PDZRN4: variants seen among roughly 807,000 people sequenced by gnomAD.
PDZRN4 encodes the protein PDZ domain containing ring finger 4, also known as PDZ domain-containing RING finger protein 4.
PDZRN4 carries 70 observed loss-of-function variants against 99.0 expected under a neutral mutation model. The ratio of observed to expected loss-of-function variants is 0.71; its 90% confidence interval spans 0.58 to 0.86. PDZRN4 has a LOEUF of 0.86. PDZRN4 is among the 40% of genes least tolerant of loss of function. The pLI, the probability that PDZRN4 is intolerant of heterozygous loss-of-function variation, is 0.00. For synonymous variants in PDZRN4, 551 were observed against 501.6 expected (o/e 1.10, Z -1.32); for missense variants, 1,474 against 1,331.2 (o/e 1.11, Z -1.67).
At chr12:41,562,431 A>G (rs1225687951) in intron 7 of PDZRN4, among the ~76,000 whole-genome samples, 4 of 152,124 alleles carry the variant, frequency 2.6e-5, no homozygotes, top group Admixed American at 2.6e-4. Flanking sequence ...AAGACATTAG[A>G]TTATTGAAAA....
chr12:41,561,570 TTTATATATA>T (rs200878999), intron 7 of PDZRN4, among the ~76,000 whole-genome samples: 281 of 146,050 alleles, frequency 1.9e-3, no homozygotes, highest in African/African-American at 6.8e-3. Flanking sequence ...ATATATATTT[TTTATATATA>T]TTATATATAT....
At chr12:41,504,886 T>C (rs1336629777) in intron 3 of PDZRN4, among the ~76,000 whole-genome samples, 1 of 152,170 alleles carries the variant, frequency 6.6e-6, no homozygotes, top group African/African-American at 2.4e-5. Flanking sequence ...TTCTTACTAG[T>C]GATTCAAGAG....
intron 3 of PDZRN4, among the ~76,000 whole-genome samples, chr12:41,371,055 A>G (rs1383220282): frequency 1.3e-5 from 2 of 150,654 alleles, no homozygotes; most frequent in Admixed American, 1.3e-4. Flanking sequence ...TCATCTCTCC[A>G]TGTATATTTA....
intron 3 of PDZRN4, among the ~76,000 whole-genome samples, chr12:41,254,243 T>C (rs991237197): frequency 6.6e-6 from 1 of 152,180 alleles, no homozygotes; most frequent in African/African-American, 2.4e-5. Flanking sequence ...CAGCCACAGT[T>C]TGTTATTTAG....
chr12:41,226,513 C>G (rs996654777), intron 3 of PDZRN4, among the ~76,000 whole-genome samples: 1 of 151,164 alleles, frequency 6.6e-6, no homozygotes, highest in African/African-American at 2.4e-5. Flanking sequence ...TATGGAGGAA[C>G]AAAGCTTTGA....
intron 1 of PDZRN4, 48 bp from the exon 2 acceptor site, chr12:41,191,410 T>G: frequency 1.1e-6 from 1 of 907,270 alleles, no homozygotes; most frequent in Non-Finnish European, 1.8e-6. Context: ...GATTTATTTT[T>G]CTTTTATATT....
chr12:41,229,338 C>G (rs948415665), intron 3 of PDZRN4, among the ~76,000 whole-genome samples: 1 of 151,936 alleles, frequency 6.6e-6, no homozygotes, highest in African/African-American at 2.4e-5. Context: ...GAGTGCCAGA[C>G]AGGATTCTTA....
intron 3 of PDZRN4, among the ~76,000 whole-genome samples, chr12:41,202,467 A>G (rs559726860): frequency 6.6e-6 from 1 of 152,188 alleles, no homozygotes; most frequent in Admixed American, 6.6e-5. Context: ...GTCACAAAGG[A>G]GAGAAAGGTG....
chr12:41,469,916 C>T (rs886162923), intron 3 of PDZRN4, among the ~76,000 whole-genome samples: 3 of 151,254 alleles, frequency 2.0e-5, no homozygotes, highest in Admixed American at 6.6e-5. Flanking sequence ...GGTGACAGAG[C>T]GAGACTCCAT....
At chr12:41,227,824 A>G (rs1275522160) in intron 3 of PDZRN4, among the ~76,000 whole-genome samples, 4 of 151,832 alleles carry the variant, frequency 2.6e-5, no homozygotes, top group Non-Finnish European at 5.9e-5. Flanking sequence ...GGCCAAAAGT[A>G]GAAATAGAAA....
At chr12:41,481,984 G>T (rs1205323141) in intron 3 of PDZRN4, among the ~76,000 whole-genome samples, 1 of 152,000 alleles carries the variant, frequency 6.6e-6, no homozygotes, top group Non-Finnish European at 1.5e-5. Context: ...CATTTTTAAT[G>T]CTTTTTGGCA....
intron 3 of PDZRN4, among the ~76,000 whole-genome samples, chr12:41,434,172 C>T (rs930360211): frequency 6.6e-6 from 1 of 152,164 alleles, no homozygotes; most frequent in South Asian, 2.1e-4. Flanking sequence ...TCTTCTCTCT[C>T]TCTTTCTCTT....
At chr12:41,567,219 CTT>C (rs1428133100) in intron 8 of PDZRN4, among the ~76,000 whole-genome samples, 2 of 152,116 alleles carry the variant, frequency 1.3e-5, no homozygotes, top group African/African-American at 4.8e-5. Context: ...AGAAGAATAA[CTT>C]AGAATTTTCC....
intron 3 of PDZRN4, among the ~76,000 whole-genome samples, chr12:41,429,179 C>T (rs1249378337): frequency 1.3e-5 from 2 of 152,100 alleles, no homozygotes; most frequent in Non-Finnish European, 2.9e-5. Flanking sequence ...AAATCTCTAC[C>T]TTTACTTTTC....
chr12:41,366,363 G>C (rs911241941), intron 3 of PDZRN4, among the ~76,000 whole-genome samples: 2 of 152,068 alleles, frequency 1.3e-5, no homozygotes, highest in African/African-American at 4.8e-5. Flanking sequence ...AATTTATCTT[G>C]ATAAAGGACA....
intron 5 of PDZRN4, among the ~76,000 whole-genome samples, chr12:41,526,380 T>C (rs950382915): frequency 2.0e-5 from 3 of 152,210 alleles, no homozygotes; most frequent in African/African-American, 7.2e-5. Flanking sequence ...TGCTGGAGAA[T>C]AAACCTCTTG....
intron 3 of PDZRN4, among the ~76,000 whole-genome samples, chr12:41,277,517 A>G (rs1363550724): frequency 1.3e-5 from 2 of 152,134 alleles, no homozygotes; most frequent in Admixed American, 1.3e-4. Context: ...CTATAAACAG[A>G]TGGCCGGCCT....
intron 3 of PDZRN4, among the ~76,000 whole-genome samples, chr12:41,246,530 G>A (rs2120796377): frequency 6.6e-6 from 1 of 152,306 alleles, no homozygotes. Context: ...GTGACATTTT[G>A]TGACACTATT....
chr12:41,214,989 T>C (rs1442946278), intron 3 of PDZRN4, among the ~76,000 whole-genome samples: 2 of 152,116 alleles, frequency 1.3e-5, no homozygotes, highest in Non-Finnish European at 2.9e-5. Flanking sequence ...TATAAAAATC[T>C]GTGAGATATA....
Sources: allele counts gnomAD v4.1 joint callset (sites outside exome capture counted in the v4.1 genomes callset), GRCh38; gene constraint gnomAD v4.1.1; transcripts MANE v1.5; gene names NCBI Gene and HGNC (gene_info 2026-07-23, HGNC 2026-07-21).